PRDM6: variants seen among roughly 807,000 people sequenced by gnomAD.
PRDM6 encodes the protein putative histone-lysine N-methyltransferase PRDM6.
In PRDM6, 25 loss-of-function variants were observed where a neutral mutation model predicts 60.8. That is an observed-to-expected ratio of 0.41 (90% confidence interval 0.30 to 0.57). The LOEUF is 0.57. PRDM6 is among the 20% of genes least tolerant of loss of function. The pLI, the probability that PRDM6 is intolerant of heterozygous loss-of-function variation, is 0.27. For synonymous variants in PRDM6, 407 were observed against 357.4 expected (o/e 1.14, Z -1.57); for missense variants, 839 against 821.3 (o/e 1.02, Z -0.26).
In PRDM6 at chr5:123,191,055, C is replaced by G. The variant is rs1213281621; in HGVS notation, c.*3854C>G. The G allele has an allele frequency of 6.6e-6, 1 of 152,116 alleles. No homozygotes were observed. Among genetic ancestry groups the G allele is most frequent in the Non-Finnish European group, 1.5e-5 (1 of 68,034 alleles). The allele number at this position is 152,116 out of a possible 1,614,324, so 9.4% of individuals were successfully genotyped here. ...GGCTATTGGTTGTTAGCAGCAGTAT[C>G]AAGAGACCAGGATTAGGGCCTGGGT... is the stretch of plus-strand genomic sequence containing the variant. On this transcript the variant is annotated 3_prime_UTR_variant, in exon 8 of 8. Coordinates refer to ENST00000407847, the MANE Select transcript of PRDM6 (RefSeq NM_001136239.4).
chr5:123,141,462 T>G (rs1765099042), intron 3 of PRDM6, among the ~76,000 whole-genome samples: 1 of 152,120 alleles, frequency 6.6e-6, no homozygotes, highest in African/African-American at 2.4e-5. Flanking sequence ...TTTCTAGAAA[T>G]TCTCTTTTGT....
chr5:123,145,928 T>C (rs1178592961), intron 3 of PRDM6, among the ~76,000 whole-genome samples: 4 of 152,136 alleles, frequency 2.6e-5, no homozygotes, highest in Admixed American at 1.3e-4. Flanking sequence ...TAGGAAACCA[T>C]TACTTCATTG....
intron 6 of PRDM6, among the ~76,000 whole-genome samples, chr5:123,176,142 A>G (rs896885334): frequency 1.3e-4 from 20 of 152,192 alleles, no homozygotes; most frequent in African/African-American, 4.6e-4. Context: ...ATAGTACTTC[A>G]GTTTCTCAGG....
chr5:123,128,339 G>A (rs143523952), intron 3 of PRDM6, among the ~76,000 whole-genome samples: 3,988 of 152,238 alleles, frequency 0.026, 162 homozygotes, highest in African/African-American at 0.091. Flanking sequence ...TTGAGGAATC[G>A]CCTCACTGTC....
chr5:123,145,759 C>T (rs114713108), intron 3 of PRDM6, among the ~76,000 whole-genome samples: 1,756 of 152,290 alleles, frequency 0.012, 34 homozygotes, highest in African/African-American at 0.032. Context: ...CCTTGACAGA[C>T]GGCCACTTTT....
chr5:123,166,023 G>A (rs1052274710), intron 5 of PRDM6, among the ~76,000 whole-genome samples: 11 of 152,066 alleles, frequency 7.2e-5, no homozygotes, highest in African/African-American at 2.4e-4. Flanking sequence ...TAGACTGGCC[G>A]TGCCCTGTTC....
At chr5:123,186,480 T>C (rs918002516) in intron 7 of PRDM6, among the ~76,000 whole-genome samples, 1 of 152,238 alleles carries the variant, frequency 6.6e-6, no homozygotes, top group African/African-American at 2.4e-5. Flanking sequence ...CTTTCCACTG[T>C]GCCACTGCAA....
intron 7 of PRDM6, among the ~76,000 whole-genome samples, chr5:123,182,040 G>A (rs1766176817): frequency 6.6e-6 from 1 of 152,206 alleles, no homozygotes; most frequent in African/African-American, 2.4e-5. Context: ...CTGCATAAGA[G>A]CATCTGGCTA....
intron 3 of PRDM6, among the ~76,000 whole-genome samples, chr5:123,154,725 A>G (rs1765453316): frequency 6.6e-6 from 1 of 152,164 alleles, no homozygotes; most frequent in African/African-American, 2.4e-5. Context: ...TGAAAAGGAA[A>G]ATTGGAAGGG....
intron 3 of PRDM6, among the ~76,000 whole-genome samples, chr5:123,128,223 A>T (rs958884020): frequency 3.9e-5 from 6 of 152,230 alleles, no homozygotes; most frequent in Admixed American, 6.5e-5. Context: ...GTGCCACAGT[A>T]AACATACGTG....
At position 123,187,382 on chromosome 5, in the gene PRDM6, G is replaced by C; in HGVS notation, c.*181G>C. On this transcript the variant is annotated 3_prime_UTR_variant, in exon 8 of 8. Coordinates refer to ENST00000407847, the MANE Select transcript of PRDM6 (RefSeq NM_001136239.4). ...CTGGCATGGAAGTCAGACCAGGAAA[G>C]AGATTATTTATTTATGACTTAGGGA... is the stretch of plus-strand genomic sequence containing the variant. 1 of 481,062 alleles carries C rather than the reference G, an allele frequency of 2.1e-6. No homozygotes were observed. Among genetic ancestry groups the C allele is most frequent in the Non-Finnish European group, 3.8e-6 (1 of 261,794 alleles). The allele number at this position is 481,062 out of a possible 1,614,324, so 29.8% of individuals were successfully genotyped here. A position where few individuals can be genotyped will look rare whatever the true frequency, so the allele number is the denominator to read the frequency against.
In PRDM6 at chr5:123,099,574, G is replaced by A; in HGVS notation, c.593-80G>A. ...AGGCGGGCGGTGATGCTGTTGTCTC[G>A]GGAGTTTACTCAAAGATGGGCCGCT... On this transcript the variant is annotated intron_variant, in intron 2 of 7. Coordinates refer to ENST00000407847, the MANE Select transcript of PRDM6 (RefSeq NM_001136239.4). The surrounding 1 kb of genome is among the most constrained non-coding windows in gnomAD (Gnocchi z 4.0). 7.7e-7 allele frequency: 1 copy of A among 1,304,720 alleles called. No homozygotes were observed. The highest frequency in any genetic ancestry group is 1.0e-6 in the Non-Finnish European group (1 of 987,324). 80.8% of individuals were successfully genotyped at this position (1,304,720 alleles called of 1,614,324 possible).
chr5:123,121,365 G>C (rs1045972811), intron 3 of PRDM6, among the ~76,000 whole-genome samples: 3 of 151,560 alleles, frequency 2.0e-5, no homozygotes, highest in Admixed American at 6.6e-5. Context: ...TTCATTTTTT[G>C]TGTTGTTTTT....
intron 5 of PRDM6, among the ~76,000 whole-genome samples, chr5:123,168,039 TA>T (rs968696632): frequency 4.6e-5 from 7 of 152,112 alleles, no homozygotes; most frequent in Non-Finnish European, 7.4e-5. Flanking sequence ...ATGTTTTATT[TA>T]AAAAAATGCC....
At chr5:123,185,350 A>C (rs974683773) in intron 7 of PRDM6, among the ~76,000 whole-genome samples, 2 of 152,222 alleles carry the variant, frequency 1.3e-5, no homozygotes, top group Non-Finnish European at 2.9e-5. Flanking sequence ...AAGTTTGTCA[A>C]GCAGTGAAAG....
rs145818846 is a variant in PRDM6 at position 123,099,282 on chromosome 5, AAG to A, written c.593-358_593-357del. Among the ~76,000 whole-genome samples, 33 of 151,000 alleles carry A rather than the reference AAG, an allele frequency of 2.2e-4. No individual in the cohort carries two copies. The highest frequency in any genetic ancestry group is 5.6e-4 in the African/African-American group (23 of 41,326). ...TCAGAAGGAACGAGAGACAGTAGGG[AAG>A]AGAGAGAGAGAGACAGAGACAGAGG... On this transcript the variant is annotated intron_variant, in intron 2 of 7. Coordinates refer to ENST00000407847, the MANE Select transcript of PRDM6 (RefSeq NM_001136239.4). The surrounding 1 kb of genome is among the most constrained non-coding windows in gnomAD (Gnocchi z 4.0).
At chr5:123,124,756 C>G (rs1444921914) in intron 3 of PRDM6, among the ~76,000 whole-genome samples, 2 of 152,056 alleles carry the variant, frequency 1.3e-5, no homozygotes, top group Non-Finnish European at 2.9e-5. Flanking sequence ...AGTTGGACGG[C>G]TCTGTCATTT....
chr5:123,168,133 T>G (rs1307302268), intron 5 of PRDM6, among the ~76,000 whole-genome samples: 1 of 152,240 alleles, frequency 6.6e-6, no homozygotes, highest in Non-Finnish European at 1.5e-5. Context: ...ATTTTTTAAG[T>G]GTAAAAACTG....
At chr5:123,128,746 G>C (rs1016019725) in intron 3 of PRDM6, among the ~76,000 whole-genome samples, 2 of 152,104 alleles carry the variant, frequency 1.3e-5, no homozygotes, top group African/African-American at 4.8e-5. Context: ...AGTTTCTTTT[G>C]CTGTGCAGAA....
Sources: gnomAD v4.1 joint callset for allele counts (sites outside exome capture counted in the v4.1 genomes callset) on GRCh38, gnomAD v4.1.1 for gene constraint, Gnocchi (gnomAD v3.1) non-coding constraint, MANE v1.5 for transcripts, NCBI Gene and HGNC (gene_info 2026-07-23, HGNC 2026-07-21) for gene names.